COLGALT2: variants seen among roughly 807,000 people sequenced by gnomAD.
The protein encoded by COLGALT2 is collagen beta(1-O)galactosyltransferase 2, also known as procollagen galactosyltransferase 2.
A neutral mutation model predicts 73.4 loss-of-function variants in COLGALT2; 49 were observed. The observed-to-expected ratio is 0.67, with a 90% CI of 0.53 to 0.85. The LOEUF (loss-of-function observed/expected upper bound fraction) is 0.85. Among genes scored for constraint, COLGALT2 ranks in the 40% least tolerant of loss-of-function variants. The pLI, the probability that COLGALT2 is intolerant of heterozygous loss-of-function variation, is 0.00. For missense variants in COLGALT2, 722 were observed against 790.2 expected (o/e 0.91, Z 1.03); for synonymous variants, 295 against 307.6 (o/e 0.96, Z 0.43).
chr1:183,987,304 T>C (rs1044967487), intron 1 of COLGALT2, among the ~76,000 whole-genome samples: 5 of 152,250 alleles, frequency 3.3e-5, no homozygotes, highest in African/African-American at 1.2e-4. Flanking sequence ...CTTGTCCTTA[T>C]TGGATTTTCC....
At chr1:183,965,280 C>T (rs1232940881) in intron 5 of COLGALT2, among the ~76,000 whole-genome samples, 1 of 152,080 alleles carries the variant, frequency 6.6e-6, no homozygotes, top group Non-Finnish European at 1.5e-5. Context: ...GCATCTCTAC[C>T]CTAATTAGGC....
intron 1 of COLGALT2, among the ~76,000 whole-genome samples, chr1:183,988,644 C>T (rs868126684): frequency 2.0e-5 from 3 of 152,152 alleles, no homozygotes; most frequent in Non-Finnish European, 4.4e-5. Flanking sequence ...TCAAGGTTCA[C>T]GCATGTTGTA....
chr1:183,939,676 A>G (rs968443101), intron 11 of COLGALT2, among the ~76,000 whole-genome samples: 1 of 152,230 alleles, frequency 6.6e-6, no homozygotes, highest in Non-Finnish European at 1.5e-5. Flanking sequence ...AAGAGGGCAC[A>G]CAACTCCATT....
At chr1:184,020,783 C>T (rs1372315903) in intron 1 of COLGALT2, among the ~76,000 whole-genome samples, 2 of 152,172 alleles carry the variant, frequency 1.3e-5, no homozygotes, top group Non-Finnish European at 2.9e-5. Context: ...ACCAGCATCT[C>T]AAACAGTAAC....
chr1:183,942,750 T>G (rs1003323330), intron 10 of COLGALT2, among the ~76,000 whole-genome samples: 5 of 152,266 alleles, frequency 3.3e-5, no homozygotes, highest in Admixed American at 3.3e-4. Flanking sequence ...AGGGGATATT[T>G]TGACTTGATC....
intron 1 of COLGALT2, among the ~76,000 whole-genome samples, chr1:183,983,545 G>A (rs1244267083): frequency 2.6e-5 from 4 of 152,202 alleles, no homozygotes; most frequent in Non-Finnish European, 5.9e-5. Context: ...CTTTCTGGAG[G>A]AAACCCGAGG....
At chr1:184,013,867 G>C (rs1488330384) in intron 1 of COLGALT2, among the ~76,000 whole-genome samples, 1 of 152,162 alleles carries the variant, frequency 6.6e-6, no homozygotes, top group Non-Finnish European at 1.5e-5. Context: ...GATTAAGTAG[G>C]AACAACTGAC....
At chr1:184,001,909 G>A (rs1671937288) in intron 1 of COLGALT2, among the ~76,000 whole-genome samples, 2 of 152,212 alleles carry the variant, frequency 1.3e-5, no homozygotes, top group South Asian at 4.1e-4. Flanking sequence ...ATATCCCACA[G>A]GTCTAAAAGT....
rs1053161273 is a variant in COLGALT2, at chr1:184,010,182, G to A, written c.263+26913C>T. ...ATGTGGTTGAGAGACTACATACCCC[G>A]ACTCAAGGTATGGCCATTATTCTGC... On this transcript the variant is annotated intron_variant, in intron 1 of 11. Coordinates refer to ENST00000361927, the MANE Select transcript of COLGALT2 (RefSeq NM_015101.4). 1.2e-4 allele frequency among the ~76,000 whole-genome samples: 18 copies of A among 152,250 alleles called. No individual in the cohort carries two copies. In the South Asian group the frequency reaches 1.2e-3, roughly 11 times the overall value.
At chr1:183,960,110 T>G (rs1670658115) in intron 6 of COLGALT2, among the ~76,000 whole-genome samples, 1 of 152,220 alleles carries the variant, frequency 6.6e-6, no homozygotes, top group African/African-American at 2.4e-5. Flanking sequence ...CAGTATGTGT[T>G]GAATAAATCC....
At position 183,938,636 on chromosome 1, in the gene COLGALT2, C is replaced by CACAAAGTGAT; in HGVS notation, c.*124_*125insATCACTTTGT. On this transcript the variant is annotated 3_prime_UTR_variant, in exon 12 of 12. Coordinates refer to ENST00000361927, the MANE Select transcript of COLGALT2 (RefSeq NM_015101.4). ...AATTTCGATCTATCACACTAGATCA[C>CACAAAGTGAT]TTTGGTTAGATGACTGTGACCACTA... 29 of 1,466,006 alleles carry CACAAAGTGAT rather than the reference C, an allele frequency of 2.0e-5. No homozygotes were observed. Among genetic ancestry groups the CACAAAGTGAT allele is most frequent in the Non-Finnish European group, 2.3e-5 (26 of 1,107,470 alleles). The allele number at this position is 1,466,006 out of a possible 1,614,324, so 90.8% of individuals were successfully genotyped here. A position where few individuals can be genotyped will look rare whatever the true frequency, so the allele number is the denominator to read the frequency against.
At chr1:184,007,134 C>T (rs1672107588) in intron 1 of COLGALT2, among the ~76,000 whole-genome samples, 1 of 152,156 alleles carries the variant, frequency 6.6e-6, no homozygotes, top group Non-Finnish European at 1.5e-5. Flanking sequence ...GAAGAAAATC[C>T]TAGAAACAAA....
chr1:183,948,220 C>A (rs957658127), intron 8 of COLGALT2, among the ~76,000 whole-genome samples: 6 of 152,050 alleles, frequency 3.9e-5, no homozygotes, highest in Non-Finnish European at 7.4e-5. Context: ...GGGAACACAT[C>A]CCAGCTGATT....
chr1:183,998,550 G>C (rs1342152438), intron 1 of COLGALT2, among the ~76,000 whole-genome samples: 4 of 152,058 alleles, frequency 2.6e-5, no homozygotes, highest in Admixed American at 1.3e-4. Flanking sequence ...TGAATGACTT[G>C]AGTATTCTTG....
intron 1 of COLGALT2, among the ~76,000 whole-genome samples, chr1:184,002,694 A>T (rs1671964666): frequency 6.6e-6 from 1 of 152,222 alleles, no homozygotes; most frequent in East Asian, 1.9e-4. Context: ...GTACAGTGAA[A>T]AAAGGACTTA....
chr1:184,008,084 G>A (rs546354961), intron 1 of COLGALT2, among the ~76,000 whole-genome samples: 52 of 152,284 alleles, frequency 3.4e-4, no homozygotes, highest in African/African-American at 1.2e-3. Flanking sequence ...CATTAACCAA[G>A]TGATCAAAAT....
intron 11 of COLGALT2, among the ~76,000 whole-genome samples, chr1:183,930,569 C>CTTTCTTTTTTTT (rs1669822947): frequency 8.8e-6 from 1 of 114,068 alleles, no homozygotes; most frequent in Non-Finnish European, 1.7e-5. Context: ...TTTTCTTTTT[C>CTTTCTTTTTTTT]TTTTTTTTTT....
intron 1 of COLGALT2, among the ~76,000 whole-genome samples, chr1:184,000,986 C>A (rs375607540): frequency 1.3e-5 from 2 of 152,072 alleles, no homozygotes; most frequent in Non-Finnish European, 2.9e-5. Flanking sequence ...CCCGCCACCA[C>A]GCCTGGCTAA....
intron 1 of COLGALT2, among the ~76,000 whole-genome samples, chr1:183,982,641 A>C (rs1366431344): frequency 6.6e-6 from 1 of 152,214 alleles, no homozygotes; most frequent in Middle Eastern, 3.2e-3. Flanking sequence ...GGCATAAGAG[A>C]ATTTGCCAGG....
Sources: allele counts gnomAD v4.1 joint callset (sites outside exome capture counted in the v4.1 genomes callset), GRCh38; gene constraint gnomAD v4.1.1; transcripts MANE v1.5; gene names NCBI Gene and HGNC (gene_info 2026-07-23, HGNC 2026-07-21).